The following PLCE1 variants were observed in gnomAD, a reference collection of about 807,000 sequenced individuals.
The protein encoded by PLCE1 is phospholipase C epsilon 1.
A neutral mutation model predicts 242.8 loss-of-function variants in PLCE1; 119 were observed. The ratio of observed to expected loss-of-function variants is 0.49; its 90% CI spans 0.42 to 0.57. The LOEUF is 0.57. Ranked by LOEUF, PLCE1 falls within the 20% of genes least tolerant of loss-of-function variation. The probability of loss-of-function intolerance (pLI) is 0.00; values close to 1 mark genes in which losing one functional copy is unlikely to be tolerated. For missense variants in PLCE1, 2,441 were observed against 2,788.8 expected (o/e 0.88, Z 2.81); for synonymous variants, 945 against 1,017.4 (o/e 0.93, Z 1.35).
chr10:94,228,281 G>A (rs989480066), intron 5 of PLCE1, among the ~76,000 whole-genome samples: 8 of 152,226 alleles, frequency 5.3e-5, no homozygotes, highest in African/African-American at 1.9e-4. Flanking sequence ...TGAGGAAGAA[G>A]AGCATGAGTT....
intron 3 of PLCE1, among the ~76,000 whole-genome samples, chr10:94,162,206 G>A (rs1005689601): frequency 6.6e-6 from 1 of 152,142 alleles, no homozygotes; most frequent in African/African-American, 2.4e-5. Context: ...TTTTCCTATT[G>A]ATTGGAATAG....
intron 2 of PLCE1, among the ~76,000 whole-genome samples, chr10:94,079,536 C>T (rs959345285): frequency 3.9e-5 from 6 of 152,010 alleles, no homozygotes; most frequent in Admixed American, 6.6e-5. Context: ...CACCATGGCA[C>T]GTGTATACCT....
Position 94,283,889 on chromosome 10 carries a change from ACT to A in PLCE1, c.4898_4899del (p.Ser1633CysfsTer9). 1 of 1,611,666 alleles carries A rather than the reference ACT, an allele frequency of 6.2e-7. No individual in the cohort carries two copies. Among genetic ancestry groups the A allele is most frequent in the Non-Finnish European group, 8.5e-7 (1 of 1,178,240 alleles). On this transcript the variant is annotated frameshift_variant, in exon 21 of 33. Coordinates refer to ENST00000371380, the MANE Select transcript of PLCE1 (RefSeq NM_016341.4). LOFTEE classifies it high-confidence loss of function. The stretch of plus-strand genomic sequence containing the variant: ...CCAAAGAGGATAAAGAAAGCAGATA[ACT>A]CTGCTTGCAACAAAGGAAAGGTGGG...
At chr10:94,263,525 A>G (rs963152095) in intron 14 of PLCE1, among the ~76,000 whole-genome samples, 6 of 151,110 alleles carry the variant, frequency 4.0e-5, no homozygotes, top group African/African-American at 9.7e-5. Context: ...AAAAAAAAAA[A>G]AAAAAGAAAA....
intron 3 of PLCE1, among the ~76,000 whole-genome samples, chr10:94,165,293 C>T (rs908192480): frequency 7.9e-5 from 12 of 152,218 alleles, no homozygotes; most frequent in Non-Finnish European, 1.2e-4. Context: ...TCGAGCTTCC[C>T]GGCTGCTTTG....
chr10:94,140,429 G>A (rs1020203755), intron 3 of PLCE1, among the ~76,000 whole-genome samples: 3 of 151,458 alleles, frequency 2.0e-5, no homozygotes, highest in Admixed American at 2.0e-4. Context: ...TGCAGTCCCA[G>A]CTACTTAGGA....
At chr10:94,063,692 G>A (rs1367133846) in intron 2 of PLCE1, among the ~76,000 whole-genome samples, 4 of 152,090 alleles carry the variant, frequency 2.6e-5, no homozygotes, top group African/African-American at 9.7e-5. Flanking sequence ...TTTAGTGAGG[G>A]GAAGATATAT....
intron 4 of PLCE1, among the ~76,000 whole-genome samples, chr10:94,179,297 A>G (rs1392505485): frequency 1.3e-5 from 2 of 152,158 alleles, no homozygotes; most frequent in South Asian, 2.1e-4. Flanking sequence ...ACAGCAAATC[A>G]TGTCTCATGG....
At chr10:94,144,930 C>T (rs2047070151) in intron 3 of PLCE1, among the ~76,000 whole-genome samples, 1 of 152,036 alleles carries the variant, frequency 6.6e-6, no homozygotes, top group Admixed American at 6.6e-5. Flanking sequence ...TAGAGAGAGG[C>T]AAAACAGAGA....
intron 2 of PLCE1, among the ~76,000 whole-genome samples, chr10:94,109,533 G>A (rs1486002461): frequency 6.6e-6 from 1 of 152,118 alleles, no homozygotes; most frequent in African/African-American, 2.4e-5. Context: ...GCTTGAACCT[G>A]GGAGGCAGAG....
chr10:94,029,741 G>T (rs896388537), intron 1 of PLCE1, among the ~76,000 whole-genome samples: 3 of 152,122 alleles, frequency 2.0e-5, no homozygotes, highest in Non-Finnish European at 1.5e-5. Context: ...GGAAAAGAGG[G>T]TACGGGAGAA....
At chr10:94,233,471 C>T (rs551824738) in intron 5 of PLCE1, among the ~76,000 whole-genome samples, 1 of 152,318 alleles carries the variant, frequency 6.6e-6, no homozygotes, top group African/African-American at 2.4e-5. Flanking sequence ...CCCCTTTTGG[C>T]CATAGCTGCC....
chr10:94,100,795 A>C (rs1256382211), intron 2 of PLCE1: 3 of 152,220 alleles, frequency 2.0e-5, no homozygotes, highest in Non-Finnish European at 4.4e-5. Flanking sequence ...AGATGGATGC[A>C]ACAGGAATGG....
chr10:94,126,403 AATAT>A (rs1312479222), intron 2 of PLCE1, among the ~76,000 whole-genome samples: 1 of 152,338 alleles, frequency 6.6e-6, no homozygotes, highest in African/African-American at 2.4e-5. Context: ...ATATTTTGAT[AATAT>A]ATAATAGCCT....
rs1181675193 is a variant in PLCE1, at chr10:93,994,048, C to T, written c.-575C>T. Among the ~76,000 whole-genome samples, 17 of 151,400 alleles carry T rather than the reference C, an allele frequency of 1.1e-4. 1 individual carries two copies. The South Asian group carries it at 3.5e-3, about 31-fold the overall frequency. On this transcript the variant is annotated 5_prime_UTR_variant, in exon 1 of 33. Transcript: ENST00000371380. ...GCTCGCGCGGCGGGAGGGGCAGCGG[C>T]GGCGCGCCCGGGCTCTACCTCCCGG...
intron 27 of PLCE1, among the ~76,000 whole-genome samples, chr10:94,310,928 T>C (rs1007067679): frequency 1.3e-5 from 2 of 152,214 alleles, no homozygotes; most frequent in African/African-American, 4.8e-5. Context: ...CCAGGACTTC[T>C]GACCAAACAG....
intron 22 of PLCE1, among the ~76,000 whole-genome samples, chr10:94,287,671 G>A (rs2052502819): frequency 1.3e-5 from 2 of 151,714 alleles, no homozygotes; most frequent in South Asian, 4.2e-4. Flanking sequence ...TTTCTCTTAG[G>A]GTTTATTTCT....
At chr10:94,195,496 G>C (rs1385887377) in intron 4 of PLCE1, among the ~76,000 whole-genome samples, 1 of 152,090 alleles carries the variant, frequency 6.6e-6, no homozygotes, top group Non-Finnish European at 1.5e-5. Context: ...AGAATTAGGG[G>C]CTCCTTTTTT....
At chr10:94,098,629 TTG>T (rs1451867350) in intron 2 of PLCE1, among the ~76,000 whole-genome samples, 1 of 152,248 alleles carries the variant, frequency 6.6e-6, no homozygotes, top group Non-Finnish European at 1.5e-5. Flanking sequence ...CTGATATGTC[TTG>T]TGAATCTTTT....
Sources: allele counts gnomAD v4.1 joint callset (sites outside exome capture counted in the v4.1 genomes callset), GRCh38; gene constraint gnomAD v4.1.1; transcripts MANE v1.5; gene names NCBI Gene and HGNC (gene_info 2026-07-23, HGNC 2026-07-21).